Variants in PPP3CA observed in about 807,000 individuals in gnomAD.
PPP3CA encodes the protein protein phosphatase 3 catalytic subunit alpha.
PPP3CA carries 14 observed loss-of-function variants against 66.5 expected under a neutral mutation model. The ratio of observed to expected loss-of-function variants is 0.21; its 90% confidence interval spans 0.14 to 0.33. PPP3CA has a LOEUF of 0.33. Ranked by LOEUF, PPP3CA falls within the 10% of genes least tolerant of loss-of-function variation. The pLI is 1.00. For synonymous variants in PPP3CA, 232 were observed against 226.2 expected (o/e 1.03, Z -0.23); for missense variants, 317 against 639.5 (o/e 0.50, Z 5.44).
At chr4:101,313,485 C>T (rs1404149514) in intron 1 of PPP3CA, among the ~76,000 whole-genome samples, 1 of 152,202 alleles carries the variant, frequency 6.6e-6, no homozygotes, top group East Asian at 1.9e-4. Flanking sequence ...CTGACCTCTG[C>T]AAACATGGCA....
intron 10 of PPP3CA, among the ~76,000 whole-genome samples, chr4:101,046,455 A>G (rs1025724772): frequency 6.6e-6 from 1 of 152,108 alleles, no homozygotes; most frequent in East Asian, 1.9e-4. Context: ...TCTTTACAGG[A>G]CGTATAACTA....
intron 1 of PPP3CA, among the ~76,000 whole-genome samples, chr4:101,306,779 C>G (rs1728548069): frequency 6.6e-6 from 1 of 152,132 alleles, no homozygotes; most frequent in African/African-American, 2.4e-5. Flanking sequence ...AAATGCAACT[C>G]CCTTATTTCA....
At chr4:101,071,040 CAGAG>C (rs966315008) in intron 8 of PPP3CA, among the ~76,000 whole-genome samples, 54 of 152,078 alleles carry the variant, frequency 3.6e-4, no homozygotes, top group Non-Finnish European at 5.1e-4. Context: ...AGACTAAAAA[CAGAG>C]AGAGAGAGTC....
intron 1 of PPP3CA, among the ~76,000 whole-genome samples, chr4:101,252,313 G>A (rs1231594294): frequency 1.3e-5 from 2 of 152,104 alleles, no homozygotes; most frequent in African/African-American, 2.4e-5. Context: ...TTATTTGTTG[G>A]TTTGTCTGAC....
In PPP3CA at chr4:101,071,937, T is replaced by C. The variant is rs969294287; in HGVS notation, c.956-8580A>G. On this transcript the variant is annotated intron_variant, in intron 8 of 13. Transcript: ENST00000394854. ...CAATTAAAATATATAGTACAAGGAA[T>C]CTTTCAATATTAAATTTTAATGGGA... is the stretch of plus-strand genomic sequence containing the variant. Among the ~76,000 whole-genome samples the C allele has an allele frequency of 2.2e-4, 33 of 152,152 alleles. 2 individuals carry two copies. Among genetic ancestry groups the C allele is most frequent in the Non-Finnish European group, 2.9e-5 (2 of 68,014 alleles).
chr4:101,128,358 T>C (rs1258713877), intron 2 of PPP3CA, among the ~76,000 whole-genome samples: 1 of 152,162 alleles, frequency 6.6e-6, no homozygotes, highest in Non-Finnish European at 1.5e-5. Context: ...ATACATTATA[T>C]GTATTGAAAC....
intron 2 of PPP3CA, among the ~76,000 whole-genome samples, chr4:101,127,869 T>A (rs1466357562): frequency 6.6e-6 from 1 of 150,956 alleles, no homozygotes; most frequent in Admixed American, 6.6e-5. Flanking sequence ...TACAAGTATT[T>A]ATCATCATTT....
At chr4:101,043,444 T>C (rs2110212794) in intron 10 of PPP3CA, among the ~76,000 whole-genome samples, 1 of 152,212 alleles carries the variant, frequency 6.6e-6, no homozygotes, top group Admixed American at 6.5e-5. Flanking sequence ...TTCCTTATAT[T>C]TTCAGATAAA....
chr4:101,214,893 C>T (rs1725410154), intron 1 of PPP3CA, among the ~76,000 whole-genome samples: 1 of 152,122 alleles, frequency 6.6e-6, no homozygotes, highest in Non-Finnish European at 1.5e-5. Flanking sequence ...GTCAATTTTC[C>T]TCCTAGACAT....
intron 1 of PPP3CA, among the ~76,000 whole-genome samples, chr4:101,199,095 G>A (rs1311012647): frequency 6.6e-6 from 1 of 152,072 alleles, no homozygotes; most frequent in African/African-American, 2.4e-5. Flanking sequence ...ATAAGACTGG[G>A]CTAATATTTG....
intron 2 of PPP3CA, among the ~76,000 whole-genome samples, chr4:101,110,756 C>A (rs1480715985): frequency 6.6e-6 from 1 of 152,128 alleles, no homozygotes; most frequent in East Asian, 1.9e-4. Flanking sequence ...TATGTGCTTT[C>A]TTGTAATCAT....
At chr4:101,117,174 T>G (rs925859549) in intron 2 of PPP3CA, among the ~76,000 whole-genome samples, 2 of 151,752 alleles carry the variant, frequency 1.3e-5, no homozygotes, top group Non-Finnish European at 2.9e-5. Flanking sequence ...AAAGAAAGAA[T>G]AAAATATATT....
chr4:101,324,057 G>A (rs1183505257), intron 1 of PPP3CA, among the ~76,000 whole-genome samples: 1 of 151,820 alleles, frequency 6.6e-6, no homozygotes, highest in Non-Finnish European at 1.5e-5. Context: ...AGGTTGCAGT[G>A]AGATCGCACC....
intron 1 of PPP3CA, among the ~76,000 whole-genome samples, chr4:101,198,053 C>T (rs979608675): frequency 2.6e-4 from 39 of 151,852 alleles, no homozygotes; most frequent in African/African-American, 8.5e-4. Flanking sequence ...GCTTATAGTA[C>T]AATAGATACA....
At chr4:101,117,402 T>C (rs1389877260) in intron 2 of PPP3CA, among the ~76,000 whole-genome samples, 2 of 151,024 alleles carry the variant, frequency 1.3e-5, no homozygotes, top group East Asian at 3.9e-4. Context: ...CAACCTATGT[T>C]TATGTTTTTG....
At chr4:101,047,575 A>T (rs553885172) in intron 10 of PPP3CA, among the ~76,000 whole-genome samples, 7 of 152,120 alleles carry the variant, frequency 4.6e-5, no homozygotes, top group Non-Finnish European at 4.4e-5. Flanking sequence ...ATTGAGTTCC[A>T]CTTTAAATTT....
chr4:101,243,331 C>G (rs1470920628), intron 1 of PPP3CA, among the ~76,000 whole-genome samples: 1 of 152,092 alleles, frequency 6.6e-6, no homozygotes, highest in African/African-American at 2.4e-5. Context: ...GAACATATTG[C>G]CCATTCTGAA....
chr4:101,346,865 G>T lies in PPP3CA; in HGVS notation c.-69C>A. On this transcript the variant is annotated 5_prime_UTR_variant, in exon 1 of 14. Transcript: ENST00000394854. ...CTGCACACCCCGACCGGACCGGCGG[G>T]CCAGACACTCAACGCCGCCGCCGCC... 1 of 1,542,690 alleles carries T rather than the reference G, an allele frequency of 6.5e-7. No homozygotes were observed. Among genetic ancestry groups the T allele is most frequent in the Non-Finnish European group, 8.8e-7 (1 of 1,139,768 alleles).
intron 1 of PPP3CA, among the ~76,000 whole-genome samples, chr4:101,335,564 G>A (rs900527009): frequency 6.6e-6 from 1 of 152,104 alleles, no homozygotes; most frequent in African/African-American, 2.4e-5. Context: ...TCTACTTATA[G>A]ACCAGATTAG....
Sources: allele counts gnomAD v4.1 joint callset (sites outside exome capture counted in the v4.1 genomes callset), GRCh38; gene constraint gnomAD v4.1.1; transcripts MANE v1.5; gene names NCBI Gene and HGNC (gene_info 2026-07-23, HGNC 2026-07-21).